Variants in CACNA1C observed in about 807,000 individuals in gnomAD.
CACNA1C encodes calcium voltage-gated channel subunit alpha1 C, also known as voltage-dependent L-type calcium channel subunit alpha-1C.
CACNA1C carries 30 observed loss-of-function variants against 229.0 expected under a neutral mutation model. The observed-to-expected ratio is 0.13, with a 90% CI of 0.10 to 0.18. The LOEUF (loss-of-function observed/expected upper bound fraction) is 0.18, where lower values mean the gene tolerates loss of function less well. Ranked by LOEUF, CACNA1C falls within the 10% of genes least tolerant of loss-of-function variation. CACNA1C has a pLI of 1.00. For missense variants in CACNA1C, 1,658 were observed against 2,845.0 expected (o/e 0.58, Z 9.49); for synonymous variants, 1,114 against 1,132.5 (o/e 0.98, Z 0.33).
intron 5 of CACNA1C, among the ~76,000 whole-genome samples, chr12:2,461,038 A>G (rs75581963): frequency 0.013 from 2,032 of 152,250 alleles, 26 homozygotes; most frequent in Non-Finnish European, 0.022. Context: ...TCTCATAGCC[A>G]TAGGTTATCT....
At chr12:2,552,909 G>A in intron 10 of CACNA1C, among the ~76,000 whole-genome samples, 1 of 152,210 alleles carries the variant, frequency 6.6e-6, no homozygotes, top group East Asian at 1.9e-4. Context: ...AAAGGCAAGG[G>A]CAAACTTCAA....
intron 7 of CACNA1C, among the ~76,000 whole-genome samples, chr12:2,496,220 G>A (rs1015287): frequency 0.37 from 56,402 of 152,082 alleles, 13,135 homozygotes; most frequent in African/African-American, 0.67. Flanking sequence ...AATCTAACCT[G>A]TTGAACCTCA....
In CACNA1C at chr12:2,585,407, G is replaced by C; in HGVS notation, c.2371G>C (p.Val791Leu). Residue 791 changes from valine (V) to leucine (L), a missense_variant, in exon 17 of 47, where the codon GTG (valine) becomes CTG (leucine). Val to Leu is a conservative substitution (Grantham distance 32, BLOSUM62 1). Around this residue, in one of 20 missense-constraint regions of CACNA1C, gnomAD observed 121 missense variants for 128.8 expected, o/e 0.94. Transcript: ENST00000399655. This position sits in a 1 kb window ranked among gnomAD's most constrained non-coding sequence, Gnocchi z 4.1. ...TASPEKKQEL[V>L]EKPAVGESKE... ...CAGCCCAGAGAAGAAACAAGAGTTG[G>C]TGGAGAAGCCGGCAGTGGGGGAATC... 6.2e-7 allele frequency: 1 copy of C among 1,612,418 alleles called. No homozygotes were observed. The highest frequency in any genetic ancestry group is 1.7e-4 in the Middle Eastern group (1 of 6,060).
intron 21 of CACNA1C, among the ~76,000 whole-genome samples, chr12:2,599,929 T>C (rs2071048495): frequency 6.6e-6 from 1 of 152,196 alleles, no homozygotes; most frequent in Admixed American, 6.5e-5. Flanking sequence ...GCTCAAGTGT[T>C]GGTCTCATTT....
intron 3 of CACNA1C, among the ~76,000 whole-genome samples, chr12:2,261,291 T>C (rs1406662609): frequency 1.3e-5 from 2 of 152,168 alleles, no homozygotes; most frequent in Non-Finnish European, 2.9e-5. Context: ...TAAGCAATAT[T>C]GTTTCTGAAA....
intron 1 of CACNA1C, among the ~76,000 whole-genome samples, chr12:1,978,648 A>T (rs1485125086): frequency 6.6e-6 from 1 of 152,190 alleles, no homozygotes; most frequent in Non-Finnish European, 1.5e-5. Flanking sequence ...AAATATTTTT[A>T]TCACTCTTTT....
chr12:2,515,299 A>G (rs59015250), intron 9 of CACNA1C, among the ~76,000 whole-genome samples: 2,612 of 152,316 alleles, frequency 0.017, 93 homozygotes, highest in African/African-American at 0.061. Context: ...GGGAAGTCCA[A>G]TTAAAAGTAG....
chr12:2,200,689 CAAAG>C (rs550228930), intron 3 of CACNA1C, among the ~76,000 whole-genome samples: 120 of 152,230 alleles, frequency 7.9e-4, no homozygotes, highest in Middle Eastern at 6.8e-3. Flanking sequence ...CAAGGGCTGA[CAAAG>C]AAAGCAAATA....
chr12:2,501,209 C>CAAAAAAAAAAAAAAAAAAA (rs59324696), intron 7 of CACNA1C, among the ~76,000 whole-genome samples: 1 of 31,366 alleles, frequency 3.2e-5, no homozygotes, highest in African/African-American at 1.7e-4. Flanking sequence ...GACTCCACCT[C>CAAAAAAAAAAAAAAAAAAA]AAAAAAAAAA....
At chr12:2,169,660 C>T (rs533506419) in intron 3 of CACNA1C, among the ~76,000 whole-genome samples, 90 of 152,296 alleles carry the variant, frequency 5.9e-4, no homozygotes, top group South Asian at 4.6e-3. Flanking sequence ...AGTCAGGTCA[C>T]GGCTGGCATT....
At chr12:2,534,373 A>G (rs944369667) in intron 9 of CACNA1C, among the ~76,000 whole-genome samples, 2 of 152,172 alleles carry the variant, frequency 1.3e-5, no homozygotes, top group African/African-American at 4.8e-5. Context: ...CCGTGTGCTG[A>G]GTGATAGTGA....
chr12:2,220,948 AAG>A (rs947973892), intron 3 of CACNA1C: 2 of 152,212 alleles, frequency 1.3e-5, no homozygotes, highest in African/African-American at 2.4e-5. Context: ...TGCTATGAAA[AAG>A]AAATCAAAGA....
At chr12:2,495,745 T>G (rs2099745465) in intron 7 of CACNA1C, among the ~76,000 whole-genome samples, 1 of 152,222 alleles carries the variant, frequency 6.6e-6, no homozygotes, top group Non-Finnish European at 1.5e-5. Context: ...CATGCCTCTC[T>G]CTGATTTTCC....
chr12:2,230,139 G>C (rs1487424483), intron 3 of CACNA1C, among the ~76,000 whole-genome samples: 5 of 152,130 alleles, frequency 3.3e-5, no homozygotes, highest in African/African-American at 9.7e-5. Context: ...CTGTGCTCAG[G>C]ATGTCCCCTC....
intron 3 of CACNA1C, among the ~76,000 whole-genome samples, chr12:2,269,456 A>G (rs2083846769): frequency 6.6e-6 from 1 of 152,198 alleles, no homozygotes; most frequent in Non-Finnish European, 1.5e-5. Flanking sequence ...TGGATTCAAA[A>G]TCATACACAG....
chr12:2,152,613 C>T lies in CACNA1C; in HGVS notation c.477+32183C>T, dbSNP rs889546490. On this transcript the variant is annotated intron_variant, in intron 3 of 46. Coordinates refer to ENST00000399655, the MANE Select transcript of CACNA1C (RefSeq NM_000719.7). The surrounding 1 kb of genome is among the most constrained non-coding windows in gnomAD (Gnocchi z 4.2). ...TCCCTGTTGTTTTGGTCTCTGTCAACCATGGTTCAATTCATAACTTAAGTT... is the reference window on the plus strand; with the variant it reads ...TCCCTGTTGTTTTGGTCTCTGTCAATCATGGTTCAATTCATAACTTAAGTT... 3.9e-5 allele frequency among the ~76,000 whole-genome samples: 6 copies of T among 152,172 alleles called. No individual in the cohort carries two copies. Among genetic ancestry groups the T allele is most frequent in the African/African-American group, 7.2e-5 (3 of 41,434 alleles).
At chr12:2,521,894 A>G (rs113566118) in intron 9 of CACNA1C, among the ~76,000 whole-genome samples, 7 of 152,316 alleles carry the variant, frequency 4.6e-5, no homozygotes, top group South Asian at 2.1e-4. Flanking sequence ...ATGTGTCTCC[A>G]TGGGTACAGA....
intron 9 of CACNA1C, among the ~76,000 whole-genome samples, chr12:2,531,421 T>C (rs978737532): frequency 6.6e-6 from 1 of 152,192 alleles, no homozygotes; most frequent in Admixed American, 6.5e-5. Flanking sequence ...CCCTTTCCTC[T>C]CTGGGCCTCA....
chr12:2,407,115 C>T (rs550251838), intron 3 of CACNA1C, among the ~76,000 whole-genome samples: 106 of 152,300 alleles, frequency 7.0e-4, no homozygotes, highest in African/African-American at 1.5e-3. Context: ...ACTGCCTCAC[C>T]GACACCGCAG....
Sources: allele counts gnomAD v4.1 joint callset (sites outside exome capture counted in the v4.1 genomes callset), GRCh38; gene constraint gnomAD v4.1.1; regional missense constraint gnomAD v4.1.1; non-coding constraint Gnocchi (gnomAD v3.1); transcripts MANE v1.5; gene names NCBI Gene and HGNC (gene_info 2026-07-23, HGNC 2026-07-21).